The following SGCD variants were observed in gnomAD, a reference collection of about 807,000 sequenced individuals.
The protein encoded by SGCD is delta-sarcoglycan.
A neutral mutation model predicts 36.6 loss-of-function variants in SGCD; 18 were observed. The observed-to-expected ratio is 0.49, with a 90% CI of 0.34 to 0.73. SGCD has a LOEUF of 0.73. Among genes scored for constraint, SGCD ranks in the 30% least tolerant of loss-of-function variants. The probability of loss-of-function intolerance (pLI) is 0.01; values close to 1 mark genes in which losing one functional copy is unlikely to be tolerated. For synonymous variants in SGCD, 133 were observed against 130.6 expected (o/e 1.02, Z -0.12); for missense variants, 387 against 346.7 (o/e 1.12, Z -0.92).
the SGCD span, among the ~76,000 whole-genome samples, chr5:155,749,990 C>G: frequency 1.3e-5 from 2 of 152,198 alleles, no homozygotes; most frequent in African/African-American, 2.4e-5. Context: ...TTAGTTGTCA[C>G]TGCTTTCTTT....
chr5:155,972,723 G>A (rs973923227), intron 1 of SGCD, among the ~76,000 whole-genome samples: 5 of 152,084 alleles, frequency 3.3e-5, no homozygotes, highest in African/African-American at 7.2e-5. Context: ...TACACTCCAC[G>A]CTAGCACCAG....
rs185917296 is a variant in SGCD, at chr5:156,569,527, G to A, written c.295-19704G>A. Among the ~76,000 whole-genome samples, 683 of 151,988 alleles carry A rather than the reference G, an allele frequency of 4.5e-3. 4 individuals are homozygous for A. Among genetic ancestry groups the A allele is most frequent in the African/African-American group, 0.014 (569 of 41,432 alleles). On this transcript the variant is annotated intron_variant, in intron 4 of 8. Transcript: ENST00000337851. The stretch of plus-strand genomic sequence containing the variant: ...GAATCGCTTGAACTTCGGAGGCAGA[G>A]GTTGCAGTGAGCCAAGATCGCCCCA...
chr5:156,307,564 T>A (rs1369683973), intron 3 of SGCD, among the ~76,000 whole-genome samples: 2 of 147,858 alleles, frequency 1.4e-5, no homozygotes, highest in African/African-American at 5.0e-5. Context: ...TGTTTTTTTT[T>A]TTTTTTTTTT....
intron 1 of SGCD, among the ~76,000 whole-genome samples, chr5:156,019,491 T>TTCATTTAGCAG (rs1489066247): frequency 2.6e-5 from 4 of 152,236 alleles, no homozygotes; most frequent in African/African-American, 9.6e-5. Context: ...AACATTTCTT[T>TTCATTTAGCAG]GAAAAATGGT....
chr5:155,993,702 A>T (rs1227756272), intron 1 of SGCD, among the ~76,000 whole-genome samples: 1 of 152,092 alleles, frequency 6.6e-6, no homozygotes, highest in African/African-American at 2.4e-5. Context: ...CTAGTAGTTG[A>T]TGTTATCTGT....
chr5:156,269,787 T>C (rs762242441), intron 3 of SGCD, among the ~76,000 whole-genome samples: 3 of 152,186 alleles, frequency 2.0e-5, no homozygotes, highest in Non-Finnish European at 4.4e-5. Context: ...AGATGCATAG[T>C]TTGCAAAAGT....
At chr5:155,902,177 G>A (rs1466571941) in intron 1 of SGCD, among the ~76,000 whole-genome samples, 9 of 151,942 alleles carry the variant, frequency 5.9e-5, no homozygotes, top group Non-Finnish European at 1.0e-4. Flanking sequence ...TCCACTCTCA[G>A]GCTCAGTTTT....
At chr5:155,729,794 C>G in the SGCD span, among the ~76,000 whole-genome samples, 1 of 152,180 alleles carries the variant, frequency 6.6e-6, no homozygotes, top group Non-Finnish European at 1.5e-5. Context: ...TGCCTCCTGT[C>G]GGAAAACAGC....
chr5:156,244,991 C>G (rs1765405776), intron 3 of SGCD, among the ~76,000 whole-genome samples: 1 of 152,168 alleles, frequency 6.6e-6, no homozygotes, highest in Non-Finnish European at 1.5e-5. Context: ...ACAGTAACAT[C>G]TTGTGTGTAT....
chr5:156,557,109 G>T (rs1032142322), intron 4 of SGCD, among the ~76,000 whole-genome samples: 2 of 152,096 alleles, frequency 1.3e-5, no homozygotes, highest in Non-Finnish European at 1.5e-5. Flanking sequence ...AGAAAATCAA[G>T]CATGGCTGTG....
intron 1 of SGCD, among the ~76,000 whole-genome samples, chr5:156,040,367 CT>C (rs1242507039): frequency 6.6e-6 from 1 of 152,168 alleles, no homozygotes; most frequent in Admixed American, 6.5e-5. Context: ...TTTATATTCT[CT>C]TTCTTAAAGA....
intron 1 of SGCD, among the ~76,000 whole-genome samples, chr5:155,916,267 C>T (rs1358684486): frequency 6.6e-6 from 1 of 150,582 alleles, no homozygotes; most frequent in Non-Finnish European, 1.5e-5. Context: ...TGTAGCAAAA[C>T]ATAAAAAAAC....
At chr5:156,407,021 G>T (rs1772469423) in intron 3 of SGCD, among the ~76,000 whole-genome samples, 1 of 151,710 alleles carries the variant, frequency 6.6e-6, no homozygotes, top group Non-Finnish European at 1.5e-5. Context: ...GATGTAGGCT[G>T]GGAGGCTAGG....
chr5:156,177,537 A>T (rs1763503396), intron 3 of SGCD, among the ~76,000 whole-genome samples: 1 of 152,178 alleles, frequency 6.6e-6, no homozygotes, highest in African/African-American at 2.4e-5. Context: ...GGTCCTGTGC[A>T]TCTCGGGAGC....
chr5:156,205,656 A>G (rs1764257659), intron 3 of SGCD, among the ~76,000 whole-genome samples: 3 of 152,024 alleles, frequency 2.0e-5, no homozygotes, highest in South Asian at 4.1e-4. Context: ...TGCAACTTGG[A>G]TATATATACT....
intron 6 of SGCD, among the ~76,000 whole-genome samples, 170 bp downstream of exon 6, chr5:156,595,221 G>A (rs560929533): frequency 6.6e-6 from 1 of 152,184 alleles, no homozygotes; most frequent in Admixed American, 6.5e-5. Flanking sequence ...ATTAAGTCAT[G>A]AGGGTTGAGC....
At chr5:156,624,502 A>T (rs559078298) in intron 6 of SGCD, among the ~76,000 whole-genome samples, 1 of 152,056 alleles carries the variant, frequency 6.6e-6, no homozygotes, top group Non-Finnish European at 1.5e-5. Context: ...AATGGTGCGA[A>T]CCCAGGAGGC....
At chr5:155,849,529 T>C in the SGCD span, among the ~76,000 whole-genome samples, 1 of 152,110 alleles carries the variant, frequency 6.6e-6, no homozygotes, top group African/African-American at 2.4e-5. Flanking sequence ...CATACATACC[T>C]GTGGACTCTT....
At chr5:156,541,484 A>G (rs1758345844) in intron 4 of SGCD, among the ~76,000 whole-genome samples, 1 of 152,196 alleles carries the variant, frequency 6.6e-6, no homozygotes, top group Non-Finnish European at 1.5e-5. Flanking sequence ...TTAGAGGTAC[A>G]GTTGACAGGA....
Sources: allele counts gnomAD v4.1 joint callset (sites outside exome capture counted in the v4.1 genomes callset), GRCh38; gene constraint gnomAD v4.1.1; transcripts MANE v1.5; gene names NCBI Gene and HGNC (gene_info 2026-07-23, HGNC 2026-07-21).